AFG1L: variants seen among roughly 807,000 people sequenced by gnomAD.
AFG1L encodes AFG1 like ATPase, also known as AFG1-like ATPase.
Under a neutral mutation model 62.2 loss-of-function variants are expected in AFG1L, and 53 were observed. That is an observed-to-expected ratio of 0.85 (90% confidence interval 0.68 to 1.07). The LOEUF (loss-of-function observed/expected upper bound fraction) is 1.07. Among genes scored for constraint, AFG1L ranks in the 50% least tolerant of loss-of-function variants. AFG1L has a pLI of 0.00. For synonymous variants in AFG1L, 228 were observed against 210.3 expected, an observed-to-expected ratio of 1.08 and a Z score of -0.73; for missense variants, 555 against 590.5, an observed-to-expected ratio of 0.94 and a Z score of 0.62.
intron 7 of AFG1L, among the ~76,000 whole-genome samples, chr6:108,421,510 A>T (rs939844464): frequency 2.0e-5 from 3 of 152,106 alleles, no homozygotes; most frequent in African/African-American, 4.8e-5. Flanking sequence ...TGAAGAAAAA[A>T]ACCCTAGTGG....
intron 11 of AFG1L, 114 bp from the exon 12 acceptor site, chr6:108,519,583 C>T (rs1775041917): frequency 3.2e-6 from 2 of 626,366 alleles, no homozygotes; most frequent in Non-Finnish European, 5.7e-6. Context: ...GTCTTAAAAG[C>T]AAAGATCCAA....
chr6:108,456,282 T>C (rs1772249225), intron 8 of AFG1L, among the ~76,000 whole-genome samples: 2 of 152,134 alleles, frequency 1.3e-5, no homozygotes, highest in South Asian at 2.1e-4. Flanking sequence ...ATATGTCTTT[T>C]CTCATCTTTT....
rs899199228 is a variant in AFG1L, at chr6:108,510,323, A to G, written c.1174A>G (p.Thr392Ala). 3.1e-6 allele frequency: 5 copies of G among 1,611,074 alleles called. No homozygotes were observed. The highest frequency in any genetic ancestry group is 2.2e-5 in the East Asian group (1 of 44,818). ...CAGGACTCAAGGTCGAAGATTCATA[A>G]CTCTCATCGATAACTTTTATGATCT... ...ANRTQGRRFI[T>A]LIDNFYDLKV... Residue 392 changes from threonine to alanine, a missense_variant, in exon 11 of 13, where the codon ACT becomes GCT. Coordinates refer to ENST00000368977, the MANE Select transcript of AFG1L (RefSeq NM_145315.5).
In AFG1L at chr6:108,525,333, G is replaced by A. The variant is rs1775285478; in HGVS notation, c.*2908G>A. 6.6e-6 allele frequency: 1 copy of A among 152,112 alleles called. No homozygotes were observed. The highest frequency in any genetic ancestry group is 2.4e-5 in the African/African-American group (1 of 41,412). The allele number at this position is 152,112 out of a possible 1,614,324, so 9.4% of individuals were successfully genotyped here. A position where few individuals can be genotyped will look rare whatever the true frequency, so the allele number is the denominator to read the frequency against. On this transcript the variant is annotated 3_prime_UTR_variant, in exon 13 of 13. Transcript: ENST00000368977. ...CTAATCCTGAGATGAAAAACAGGAT[G>A]GACTTAAGTAATTTTTAACCTATTT...
At position 108,295,206 on chromosome 6, in the gene AFG1L, C is replaced by G; in HGVS notation, c.127C>G (p.Pro43Ala). 1 of 1,604,056 alleles carries G rather than the reference C, an allele frequency of 6.2e-7. No individual in the cohort carries two copies. The change falls in exon 1 of 13, where the codon CCC becomes GCC. Residue 43 changes from proline to alanine, a missense_variant. Physicochemically the swap from Pro to Ala is conservative, Grantham distance 27 (BLOSUM62 -1). Transcript: ENST00000368977. ...LAPLATAPGK[P>A]FWKAYTVQTS... Reference sequence around the variant, plus strand: ...TCCTCTGGCCACCGCCCCTGGGAAGCCCTTTTGGAAAGGTCAGTGACTGTG... The same window carrying G: ...TCCTCTGGCCACCGCCCCTGGGAAGGCCTTTTGGAAAGGTCAGTGACTGTG...
At chr6:108,359,239 A>G (rs1413481302) in intron 5 of AFG1L, 2 of 152,196 alleles carry the variant, frequency 1.3e-5, no homozygotes, top group Non-Finnish European at 2.9e-5. Context: ...GCCTGGTTGT[A>G]CTGACATACG....
intron 5 of AFG1L, among the ~76,000 whole-genome samples, chr6:108,357,616 GTT>G (rs1227953323): frequency 1.3e-5 from 2 of 152,286 alleles, no homozygotes; most frequent in East Asian, 3.9e-4. Flanking sequence ...TTTAAAAAGT[GTT>G]ATATAAAGAA....
At chr6:108,434,195 G>C (rs1378761290) in intron 7 of AFG1L, among the ~76,000 whole-genome samples, 1 of 152,162 alleles carries the variant, frequency 6.6e-6, no homozygotes, top group Non-Finnish European at 1.5e-5. Flanking sequence ...CCTTGGGATG[G>C]AGACTTAACA....
intron 12 of AFG1L, 130 bp from the exon 13 acceptor site, chr6:108,522,167 G>GA (rs531406878): frequency 7.5e-4 from 526 of 704,226 alleles, no homozygotes; most frequent in Non-Finnish European, 9.7e-4. Context: ...ATTGTATATG[G>GA]AAAAAAAAAG....
In AFG1L at chr6:108,366,299, G is replaced by A. The variant is rs1054041433; in HGVS notation, c.715G>A (p.Val239Ile). Reference sequence around the variant, plus strand: ...TGAAAATCTGTTCAAAAACGGGGTCGTCGTTGTGGCAACATCCAACAGGCC... The same window carrying A: ...TGAAAATCTGTTCAAAAACGGGGTCATCGTTGTGGCAACATCCAACAGGCC... Reference protein sequence around the residue: ...LFENLFKNGVVVVATSNRPPE... With the variant: ...LFENLFKNGVIVVATSNRPPE... Residue 239 changes from valine to isoleucine, a missense_variant, in exon 6 of 13, where the codon GTC becomes ATC. By Grantham distance (29) the Val-to-Ile change is conservative. Transcript: ENST00000368977. 1.2e-5 allele frequency: 20 copies of A among 1,611,930 alleles called. No individual in the cohort carries two copies. The highest frequency in any genetic ancestry group is 3.3e-4 in the Middle Eastern group (2 of 6,050).
intron 2 of AFG1L, among the ~76,000 whole-genome samples, chr6:108,340,679 A>G (rs181573824): frequency 3.7e-4 from 56 of 152,216 alleles, no homozygotes; most frequent in African/African-American, 1.3e-3. Context: ...GGATTACAAG[A>G]GAAGAGGAAT....
At chr6:108,337,053 G>T (rs1032196078) in intron 2 of AFG1L, among the ~76,000 whole-genome samples, 3 of 152,146 alleles carry the variant, frequency 2.0e-5, no homozygotes, top group East Asian at 1.9e-4. Context: ...TAAGAGATGG[G>T]GTCTTGCTAT....
intron 6 of AFG1L, chr6:108,387,610 C>G (rs1187144872): frequency 6.6e-6 from 1 of 152,224 alleles, no homozygotes; most frequent in Non-Finnish European, 1.5e-5. Context: ...ATCAGTTCAA[C>G]AACCGTTAGC....
At chr6:108,425,602 C>T (rs1240548151) in intron 7 of AFG1L, among the ~76,000 whole-genome samples, 1 of 152,004 alleles carries the variant, frequency 6.6e-6, no homozygotes, top group East Asian at 1.9e-4. Context: ...ATTGAGAGCT[C>T]TTTCCGCCAA....
Position 108,307,394 on chromosome 6 carries a change from T to C in AFG1L, c.139+12176T>C, listed in dbSNP as rs575600362. On this transcript the variant is annotated intron_variant, in intron 1 of 12. Coordinates refer to ENST00000368977, the MANE Select transcript of AFG1L (RefSeq NM_145315.5). ...TAGAAAAGACAACTGCTGTTAACTT[T>C]AATTTTTCTTTCATCTTATTTTTTT... Among the ~76,000 whole-genome samples the C allele has an allele frequency of 1.1e-3, 166 of 149,920 alleles. 1 individual carries two copies. Among genetic ancestry groups the C allele is most frequent in the Admixed American group, 3.5e-3 (51 of 14,652 alleles).
chr6:108,375,031 A>G (rs1020888611), intron 6 of AFG1L, among the ~76,000 whole-genome samples: 1 of 152,110 alleles, frequency 6.6e-6, no homozygotes, highest in Non-Finnish European at 1.5e-5. Context: ...TTCTCCTTGT[A>G]GAGATCTTTC....
intron 7 of AFG1L, among the ~76,000 whole-genome samples, chr6:108,411,250 C>A (rs1368573058): frequency 6.6e-6 from 1 of 152,198 alleles, no homozygotes; most frequent in African/African-American, 2.4e-5. Context: ...AGTAGGTAAA[C>A]AAAGCGTCCT....
At chr6:108,388,047 G>C (rs1160355167) in intron 6 of AFG1L, 1 of 151,966 alleles carries the variant, frequency 6.6e-6, no homozygotes, top group Non-Finnish European at 1.5e-5. Flanking sequence ...AGACTCCAAA[G>C]ACAATCTAGA....
intron 1 of AFG1L, among the ~76,000 whole-genome samples, chr6:108,321,154 A>G (rs1777798704): frequency 6.6e-6 from 1 of 152,200 alleles, no homozygotes; most frequent in Admixed American, 6.6e-5. Flanking sequence ...TGGGGTATAC[A>G]GGCTACCCAC....
Sources: gnomAD v4.1 joint callset for allele counts (sites outside exome capture counted in the v4.1 genomes callset) on GRCh38, gnomAD v4.1.1 for gene constraint, MANE v1.5 for transcripts, NCBI Gene and HGNC (gene_info 2026-07-23, HGNC 2026-07-21) for gene names.